Variants in DLGAP2 observed in about 807,000 individuals in gnomAD.
DLGAP2 encodes the protein DLG associated protein 2.
Under a neutral mutation model 100.3 loss-of-function variants are expected in DLGAP2, and 26 were observed. The observed-to-expected ratio is 0.26, with a 90% CI of 0.19 to 0.36. The LOEUF is 0.36. DLGAP2 is among the 10% of genes least tolerant of loss of function. The probability of loss-of-function intolerance (pLI) is 1.00; values close to 1 mark genes in which losing one functional copy is unlikely to be tolerated. For missense variants in DLGAP2, 1,858 were observed against 1,453.2 expected (o/e 1.28, Z -4.53); for synonymous variants, 886 against 630.1 (o/e 1.41, Z -6.08).
chr8:886,524 C>T (rs1797926775), intron 1 of DLGAP2, among the ~76,000 whole-genome samples: 2 of 152,162 alleles, frequency 1.3e-5, no homozygotes. Context: ...ATAAATGTCC[C>T]TCTTAACACT....
chr8:959,686 A>G (rs1799678057), intron 2 of DLGAP2, among the ~76,000 whole-genome samples: 1 of 152,156 alleles, frequency 6.6e-6, no homozygotes, highest in Admixed American at 6.5e-5. Context: ...TTAATTCATC[A>G]TGGGTGTGAG....
At chr8:1,071,263 G>C (rs1329709820) in intron 2 of DLGAP2, among the ~76,000 whole-genome samples, 2 of 152,182 alleles carry the variant, frequency 1.3e-5, no homozygotes, top group African/African-American at 4.8e-5. Flanking sequence ...GACTACACTT[G>C]TCACCTTTTT....
chr8:887,489 G>A (rs1047332356), intron 1 of DLGAP2, among the ~76,000 whole-genome samples: 1 of 152,174 alleles, frequency 6.6e-6, no homozygotes, highest in South Asian at 2.1e-4. Context: ...ATATTTTGGT[G>A]TGTTTTTGCA....
At chr8:1,506,307 T>A (rs1799911311) in intron 4 of DLGAP2, among the ~76,000 whole-genome samples, 1 of 152,198 alleles carries the variant, frequency 6.6e-6, no homozygotes. Context: ...TCAGGGAAAT[T>A]TATAGAAATA....
At chr8:1,119,676 C>T (rs1449002164) in intron 2 of DLGAP2, among the ~76,000 whole-genome samples, 3 of 152,302 alleles carry the variant, frequency 2.0e-5, no homozygotes, top group Non-Finnish European at 4.4e-5. Context: ...TGAGAGGCTT[C>T]GCCACTCAAC....
chr8:829,729 C>A (rs1213647632), intron 1 of DLGAP2, among the ~76,000 whole-genome samples: 1 of 152,162 alleles, frequency 6.6e-6, no homozygotes. Context: ...TTTTGGTTTA[C>A]TTTCCATATT....
intron 4 of DLGAP2, among the ~76,000 whole-genome samples, chr8:1,507,764 C>G (rs535257622): frequency 1.4e-4 from 20 of 145,744 alleles, no homozygotes; most frequent in Admixed American, 7.4e-4. Context: ...GCCACCGAGT[C>G]TTCCTCCTTC....
chr8:1,234,605 C>T (rs1798604528), intron 2 of DLGAP2, among the ~76,000 whole-genome samples: 1 of 152,150 alleles, frequency 6.6e-6, no homozygotes, highest in African/African-American at 2.4e-5. Flanking sequence ...TTTGTGGAGG[C>T]ACAGGCTGTT....
intron 1 of DLGAP2, among the ~76,000 whole-genome samples, chr8:907,035 G>C (rs1173531108): frequency 6.6e-6 from 1 of 152,164 alleles, no homozygotes; most frequent in African/African-American, 2.4e-5. Flanking sequence ...ATTTATGAGA[G>C]CCTGCTCTAT....
chr8:1,255,062 T>TCCTGCCCGGCCGCTGTGTGTGTGTCCTCG (rs1799157761), intron 2 of DLGAP2, among the ~76,000 whole-genome samples: 1 of 130,822 alleles, frequency 7.6e-6, no homozygotes, highest in Non-Finnish European at 1.6e-5. Flanking sequence ...TGTCCTCTCA[T>TCCTGCCCGGCCGCTGTGTGTGTGTCCTCG]CCTGCCCGGC....
intron 2 of DLGAP2, among the ~76,000 whole-genome samples, chr8:1,098,446 T>C (rs922417934): frequency 3.3e-5 from 5 of 152,164 alleles, no homozygotes; most frequent in Non-Finnish European, 7.4e-5. Flanking sequence ...TTTGCTTTTT[T>C]ACAACTTGGT....
At chr8:789,758 C>T (rs529219281) in intron 1 of DLGAP2, among the ~76,000 whole-genome samples, 1 of 152,318 alleles carries the variant, frequency 6.6e-6, no homozygotes, top group East Asian at 1.9e-4. Flanking sequence ...CAAACACAGG[C>T]CCTGCTTGGC....
rs1797838618 is a variant in DLGAP2 at position 1,441,700 on chromosome 8, A to G, written c.107-59666A>G. 3.3e-5 allele frequency among the ~76,000 whole-genome samples: 5 copies of G among 151,530 alleles called. 1 individual carries two copies. In the South Asian group the frequency reaches 1.0e-3, roughly 32 times the overall value. ...CTCCATCTCAAAAAAAAAAAAAAAA[A>G]AAGTAAAACTCATATTTAGCATCAC... On this transcript the variant is annotated intron_variant, in intron 3 of 14. Transcript: ENST00000637795.
intron 2 of DLGAP2, among the ~76,000 whole-genome samples, chr8:1,154,064 ACAAG>A (rs1170991955): frequency 9.2e-5 from 14 of 152,206 alleles, no homozygotes; most frequent in African/African-American, 3.4e-4. Flanking sequence ...AAGAAAAGAA[ACAAG>A]CAAGCAGGAA....
chr8:1,250,075 T>G (rs922711420), intron 2 of DLGAP2, among the ~76,000 whole-genome samples: 2 of 152,144 alleles, frequency 1.3e-5, no homozygotes, highest in African/African-American at 4.8e-5. Flanking sequence ...GAGATGGGGT[T>G]TCACCATGTT....
chr8:1,480,781 G>T (rs998689632), intron 3 of DLGAP2, among the ~76,000 whole-genome samples: 4 of 151,866 alleles, frequency 2.6e-5, no homozygotes, highest in Admixed American at 6.6e-5. Flanking sequence ...CAGGAGAATC[G>T]CTTGAACCCG....
At chr8:1,610,124 C>A (rs1796947267) in intron 6 of DLGAP2, among the ~76,000 whole-genome samples, 1 of 151,764 alleles carries the variant, frequency 6.6e-6, no homozygotes, top group Non-Finnish European at 1.5e-5. Flanking sequence ...CCAAAATTGA[C>A]CACATAGTTG....
At chr8:1,577,950 T>C (rs1803060784) in intron 6 of DLGAP2, among the ~76,000 whole-genome samples, 2 of 152,234 alleles carry the variant, frequency 1.3e-5, no homozygotes, top group Non-Finnish European at 1.5e-5. Context: ...GGTGTGGAAA[T>C]CTGCATTAAT....
chr8:909,627 C>T lies in DLGAP2; in HGVS notation c.73+1661C>T, dbSNP rs1020151052. 3.9e-5 allele frequency among the ~76,000 whole-genome samples: 6 copies of T among 152,134 alleles called. No individual in the cohort carries two copies. The East Asian group carries it at 5.8e-4, about 15-fold the overall frequency. On this transcript the variant is annotated intron_variant, in intron 2 of 14. Transcript: ENST00000637795. ...GGGCCTCAACGCAGAGGACATTAGC[C>T]GGGCAATTTCCTCAAAATTATTTTT...
Sources: gnomAD v4.1 joint callset for allele counts (sites outside exome capture counted in the v4.1 genomes callset) on GRCh38, gnomAD v4.1.1 for gene constraint, MANE v1.5 for transcripts, NCBI Gene and HGNC (gene_info 2026-07-23, HGNC 2026-07-21) for gene names.